Variants in RSU1 observed in about 807,000 individuals in gnomAD.
RSU1 encodes Ras suppressor protein 1.
RSU1 carries 26 observed loss-of-function variants against 31.1 expected under a neutral mutation model. The ratio of observed to expected loss-of-function variants is 0.84; its 90% CI spans 0.61 to 1.16. The LOEUF is 1.16. Ranked by LOEUF, RSU1 falls within the 50% of genes most tolerant of loss-of-function variation. The pLI, the probability that RSU1 is intolerant of heterozygous loss-of-function variation, is 0.00. For missense variants in RSU1, 320 were observed against 339.1 expected (o/e 0.94, Z 0.44); for synonymous variants, 164 against 136.3 (o/e 1.20, Z -1.41).
chr10:16,814,912 A>C (rs1838495058), intron 2 of RSU1, among the ~76,000 whole-genome samples: 2 of 152,242 alleles, frequency 1.3e-5, no homozygotes, highest in African/African-American at 4.8e-5. Context: ...CATTCTCCCC[A>C]TTTATAAATA....
chr10:16,688,609 A>C (rs895121691), intron 8 of RSU1, among the ~76,000 whole-genome samples: 12 of 152,316 alleles, frequency 7.9e-5, no homozygotes, highest in African/African-American at 2.9e-4. Context: ...ACTCCGTCTC[A>C]AAAAAAGAAA....
chr10:16,679,184 T>G lies in RSU1; in HGVS notation c.731+15839A>C, dbSNP rs188106232. ...ACTTGGAACACTCCAGACCCCAGAATGGTCTTACTTTTCAGAAATTAGGGT... is the reference window on the plus strand; with the variant it reads ...ACTTGGAACACTCCAGACCCCAGAAGGGTCTTACTTTTCAGAAATTAGGGT... On this transcript the variant is annotated intron_variant, in intron 8 of 8. Transcript: ENST00000345264. Among the ~76,000 whole-genome samples the G allele has an allele frequency of 2.4e-3, 366 of 152,270 alleles. 1 individual carries two copies. The highest frequency in any genetic ancestry group is 3.3e-3 in the Admixed American group (50 of 15,296).
At chr10:16,756,945 ATG>A (rs1287778876) in intron 4 of RSU1, among the ~76,000 whole-genome samples, 4 of 139,290 alleles carry the variant, frequency 2.9e-5, no homozygotes, top group African/African-American at 1.1e-4. Context: ...GGGGGCGGGT[ATG>A]TGTGTGGTGT....
chr10:16,752,424 G>A, intron 7 of RSU1, 115 bp downstream of exon 7: 2 of 741,602 alleles, frequency 2.7e-6, no homozygotes, highest in South Asian at 3.3e-5. Context: ...TCAGCATCGT[G>A]TGCCTAGGTG....
At chr10:16,804,894 C>T (rs1252708933) in intron 2 of RSU1, among the ~76,000 whole-genome samples, 1 of 152,144 alleles carries the variant, frequency 6.6e-6, no homozygotes, top group Non-Finnish European at 1.5e-5. Context: ...CCATGTGATA[C>T]TGTAACGGTG....
chr10:16,706,298 G>A (rs1835900975), intron 7 of RSU1, among the ~76,000 whole-genome samples: 1 of 152,092 alleles, frequency 6.6e-6, no homozygotes, highest in African/African-American at 2.4e-5. Context: ...CCACCCTAAT[G>A]GATATGAAAT....
chr10:16,777,246 A>C (rs1185285967), intron 3 of RSU1, among the ~76,000 whole-genome samples: 2 of 152,150 alleles, frequency 1.3e-5, no homozygotes, highest in African/African-American at 2.4e-5. Flanking sequence ...TAAATACTTC[A>C]AACTTTCTTC....
chr10:16,660,711 A>C lies in RSU1; in HGVS notation c.731+34312T>G, dbSNP rs180958880. ...ACTCAGGCTGAAGTGCAATGGCACCATCTAGGCTCACTGCAACTTCCACTT... is the reference window on the plus strand; with the variant it reads ...ACTCAGGCTGAAGTGCAATGGCACCCTCTAGGCTCACTGCAACTTCCACTT... On this transcript the variant is annotated intron_variant, in intron 8 of 8. Coordinates refer to ENST00000345264, the MANE Select transcript of RSU1 (RefSeq NM_012425.4). Among the ~76,000 whole-genome samples, 558 of 131,740 alleles carry C rather than the reference A, an allele frequency of 4.2e-3. 2 individuals are homozygous for C. Among genetic ancestry groups the C allele is most frequent in the Middle Eastern group, 0.021 (4 of 188 alleles). The allele number at this position is 131,740 out of a possible 152,430, so 86.4% of individuals were successfully genotyped here. A position where few individuals can be genotyped will look rare whatever the true frequency, so the allele number is the denominator to read the frequency against.
intron 7 of RSU1, among the ~76,000 whole-genome samples, chr10:16,729,881 C>T (rs1292664300): frequency 6.6e-6 from 1 of 152,134 alleles, no homozygotes; most frequent in African/African-American, 2.4e-5. Flanking sequence ...ATGTAACAGA[C>T]TTGGAAAGTG....
chr10:16,729,143 C>T (rs1417472415), intron 7 of RSU1, among the ~76,000 whole-genome samples: 1 of 152,152 alleles, frequency 6.6e-6, no homozygotes, highest in Admixed American at 6.5e-5. Flanking sequence ...ATTCATAAAG[C>T]ATCTATGGAA....
rs1311114274 is a variant in RSU1, at chr10:16,737,932, G to C, written c.598+14607C>G. Reference sequence around the variant, plus strand: ...AATTGTGAAGGACTAGAATTATATAGACTATGAATTTTGATCAGGACATAA... The same window carrying C: ...AATTGTGAAGGACTAGAATTATATACACTATGAATTTTGATCAGGACATAA... On this transcript the variant is annotated intron_variant, in intron 7 of 8. Coordinates refer to ENST00000345264, the MANE Select transcript of RSU1 (RefSeq NM_012425.4). Among the ~76,000 whole-genome samples, 3 of 152,268 alleles carry C rather than the reference G, an allele frequency of 2.0e-5. No individual in the cohort carries two copies. The East Asian group carries it at 5.8e-4, about 29-fold the overall frequency.
chr10:16,668,198 T>C (rs1835036615), intron 8 of RSU1, among the ~76,000 whole-genome samples: 2 of 152,234 alleles, frequency 1.3e-5, no homozygotes, highest in Admixed American at 6.5e-5. Context: ...GTTATCATGA[T>C]TAATAAGTAT....
chr10:16,703,710 T>C (rs925162754), intron 7 of RSU1, among the ~76,000 whole-genome samples: 1 of 152,162 alleles, frequency 6.6e-6, no homozygotes. Context: ...TACAGCATGA[T>C]CTTAACTTTT....
Position 16,720,388 on chromosome 10 carries a change from G to A in RSU1, c.599-25233C>T, listed in dbSNP as rs80067518. The stretch of plus-strand genomic sequence containing the variant: ...ATAAATTATCAAATAGAAATTAAAT[G>A]TCCAACAGAAATGCACATAGTCACT... On this transcript the variant is annotated intron_variant, in intron 7 of 8. Coordinates refer to ENST00000345264, the MANE Select transcript of RSU1 (RefSeq NM_012425.4). Among the ~76,000 whole-genome samples the A allele has an allele frequency of 2.7e-3, 404 of 152,256 alleles. 4 individuals carry two copies. The East Asian group carries it at 0.045, about 17-fold the overall frequency.
chr10:16,726,923 T>C (rs1019253142), intron 7 of RSU1: 3 of 393,062 alleles, frequency 7.6e-6, no homozygotes, highest in Non-Finnish European at 1.5e-5. Flanking sequence ...GCGTTGCATA[T>C]GGTTTGACTG....
chr10:16,766,855 A>G (rs1837324310), intron 3 of RSU1, among the ~76,000 whole-genome samples: 1 of 150,678 alleles, frequency 6.6e-6, no homozygotes. Context: ...CTCTACAAAA[A>G]ATAAATAAAT....
intron 8 of RSU1, among the ~76,000 whole-genome samples, chr10:16,642,496 G>A (rs1199802883): frequency 1.3e-5 from 2 of 152,092 alleles, no homozygotes; most frequent in African/African-American, 4.8e-5. Context: ...TGCATGCTGG[G>A]GGAAGAGCCA....
intron 2 of RSU1, among the ~76,000 whole-genome samples, chr10:16,798,828 G>A (rs1250458856): frequency 6.6e-6 from 1 of 151,954 alleles, no homozygotes; most frequent in Non-Finnish European, 1.5e-5. Flanking sequence ...TTCAAACAAT[G>A]CTTTATGCCA....
chr10:16,742,331 G>C (rs1039741991), intron 7 of RSU1, among the ~76,000 whole-genome samples: 1 of 152,044 alleles, frequency 6.6e-6, no homozygotes, highest in Admixed American at 6.6e-5. Flanking sequence ...ATGATGTCAC[G>C]GTAAGGCCTA....
Sources: gnomAD v4.1 joint callset for allele counts (sites outside exome capture counted in the v4.1 genomes callset) on GRCh38, gnomAD v4.1.1 for gene constraint, MANE v1.5 for transcripts, NCBI Gene and HGNC (gene_info 2026-07-23, HGNC 2026-07-21) for gene names.